Variants in FHIT observed in about 807,000 individuals in gnomAD.
FHIT encodes the protein fragile histidine triad diadenosine triphosphatase.
FHIT carries 19 observed loss-of-function variants against 17.9 expected under a neutral mutation model. The observed-to-expected ratio is 1.06, with a 90% CI of 0.74 to 1.56. The LOEUF (loss-of-function observed/expected upper bound fraction) is 1.56. Ranked by LOEUF, FHIT falls within the 40% of genes most tolerant of loss-of-function variation. FHIT has a pLI of 0.00. For synonymous variants in FHIT, 81 were observed against 69.7 expected (o/e 1.16, Z -0.81); for missense variants, 248 against 189.2 (o/e 1.31, Z -1.82).
At chr3:60,151,790 A>T (rs1209385255) in intron 5 of FHIT, among the ~76,000 whole-genome samples, 1 of 152,176 alleles carries the variant, frequency 6.6e-6, no homozygotes, top group Non-Finnish European at 1.5e-5. Context: ...TTACTGCACC[A>T]ATCTCATATC....
intron 4 of FHIT, among the ~76,000 whole-genome samples, chr3:60,751,391 T>G (rs1290259433): frequency 6.6e-6 from 1 of 152,238 alleles, no homozygotes; most frequent in East Asian, 1.9e-4. Context: ...CCTTTCCAGA[T>G]GCTTCTATGA....
chr3:60,702,977 C>G (rs2041283928), intron 4 of FHIT, among the ~76,000 whole-genome samples: 1 of 152,058 alleles, frequency 6.6e-6, no homozygotes, highest in Admixed American at 6.6e-5. Flanking sequence ...TACAGTCCTC[C>G]ATAATTTATA....
chr3:61,053,010 A>C (rs2034082668), intron 2 of FHIT, among the ~76,000 whole-genome samples: 1 of 152,224 alleles, frequency 6.6e-6, no homozygotes, highest in African/African-American at 2.4e-5. Context: ...AAATATTAAC[A>C]GAAAATGTGA....
At chr3:60,976,562 G>A (rs894080134) in intron 3 of FHIT, among the ~76,000 whole-genome samples, 1 of 152,136 alleles carries the variant, frequency 6.6e-6, no homozygotes, top group Non-Finnish European at 1.5e-5. Context: ...GAGACAAAGA[G>A]GTAGTCCCAT....
intron 4 of FHIT, chr3:60,537,557 G>A: frequency 1.7e-6 from 1 of 599,274 alleles, no homozygotes; most frequent in Non-Finnish European, 2.1e-6. Flanking sequence ...GAAGGAAGGA[G>A]CAAAACGGAG....
chr3:59,901,227 G>A (rs552452914), intron 8 of FHIT, among the ~76,000 whole-genome samples: 8 of 152,190 alleles, frequency 5.3e-5, no homozygotes, highest in Non-Finnish European at 1.0e-4. Flanking sequence ...TATGAGAGTG[G>A]AAAAGGTATT....
intron 5 of FHIT, among the ~76,000 whole-genome samples, chr3:60,497,125 T>A (rs187868070): frequency 6.6e-6 from 1 of 151,976 alleles, no homozygotes; most frequent in Non-Finnish European, 1.5e-5. Context: ...GGAGGGGGCA[T>A]GGTATTGTAT....
At chr3:60,857,105 G>C (rs1282689757) in intron 3 of FHIT, among the ~76,000 whole-genome samples, 1 of 152,096 alleles carries the variant, frequency 6.6e-6, no homozygotes, top group Non-Finnish European at 1.5e-5. Flanking sequence ...TCTTTCTGAT[G>C]TGTAACAAGC....
chr3:60,513,170 A>C (rs1028255174), intron 5 of FHIT, among the ~76,000 whole-genome samples: 5 of 152,216 alleles, frequency 3.3e-5, no homozygotes, highest in African/African-American at 4.8e-5. Context: ...GGCACAAAGG[A>C]AGTGTCTACA....
chr3:59,956,455 G>A (rs13088669), intron 7 of FHIT, among the ~76,000 whole-genome samples: 51,533 of 152,110 alleles, frequency 0.34, 10,448 homozygotes, highest in East Asian at 0.62. Flanking sequence ...AGATCTTGAG[G>A]TCAAGAGATC....
In FHIT at chr3:60,220,370, A is replaced by G. The variant is rs145665402; in HGVS notation, c.104-206218T>C. Among the ~76,000 whole-genome samples, 398 of 152,224 alleles carry G rather than the reference A, an allele frequency of 2.6e-3. 1 individual carries two copies. Among genetic ancestry groups the G allele is most frequent in the African/African-American group, 9.1e-3 (377 of 41,540 alleles). On this transcript the variant is annotated intron_variant, in intron 5 of 9. Transcript: ENST00000492590. ...GTCCCCACCTAAGTTAAATTTAGGC[A>G]AGCCCAAAGGGTTATTATTAAAGTT...
chr3:60,571,014 A>G (rs2594253), intron 4 of FHIT, among the ~76,000 whole-genome samples: 137,244 of 151,962 alleles, frequency 0.9, 62,264 homozygotes, highest in East Asian at 1. Flanking sequence ...AAATGGCACA[A>G]CCACAAGCTG....
chr3:60,939,034 T>C (rs1258772549), intron 3 of FHIT, among the ~76,000 whole-genome samples: 16 of 152,206 alleles, frequency 1.1e-4, no homozygotes, highest in African/African-American at 3.9e-4. Flanking sequence ...AGGTTGTCCA[T>C]ATAAAATTAT....
At chr3:60,356,036 G>C (rs373600957) in intron 5 of FHIT, among the ~76,000 whole-genome samples, 1 of 152,140 alleles carries the variant, frequency 6.6e-6, no homozygotes, top group African/African-American at 2.4e-5. Context: ...CTGGCACTGT[G>C]CCATGAAAGA....
chr3:60,435,922 T>C (rs2030187108), intron 5 of FHIT, among the ~76,000 whole-genome samples: 1 of 152,180 alleles, frequency 6.6e-6, no homozygotes, highest in Non-Finnish European at 1.5e-5. Context: ...TGGTTTTCTG[T>C]TCCTGCATTC....
At position 60,689,244 on chromosome 3, in the gene FHIT, C is replaced by A. The variant is rs570639009; in HGVS notation, c.-18+132675G>T. ...TCCCCAGCCACGTGGAACTGCAAGT[C>A]AAATAAACGTCTTTGTTTGTGAATT... On this transcript the variant is annotated intron_variant, in intron 4 of 9. Transcript: ENST00000492590. 2.0e-5 allele frequency among the ~76,000 whole-genome samples: 3 copies of A among 152,132 alleles called. No individual in the cohort carries two copies. In the East Asian group the frequency reaches 5.8e-4, roughly 29 times the overall value.
At chr3:60,552,615 T>TAC (rs1173697526) in intron 4 of FHIT, among the ~76,000 whole-genome samples, 1 of 152,174 alleles carries the variant, frequency 6.6e-6, no homozygotes, top group Non-Finnish European at 1.5e-5. Flanking sequence ...AAGAAGCCCT[T>TAC]ACTCCAGCCT....
chr3:60,924,794 A>C (rs1418231145), intron 3 of FHIT, among the ~76,000 whole-genome samples: 1 of 152,152 alleles, frequency 6.6e-6, no homozygotes, highest in Non-Finnish European at 1.5e-5. Context: ...CATGGCAAAG[A>C]AGTAAAAAAC....
intron 5 of FHIT, among the ~76,000 whole-genome samples, chr3:60,244,956 C>T (rs571556183): frequency 1.3e-3 from 199 of 152,098 alleles, no homozygotes; most frequent in African/African-American, 4.6e-3. Flanking sequence ...ATAATTAAAA[C>T]ATTCAGGTAG....
Sources: gnomAD v4.1 joint callset for allele counts (sites outside exome capture counted in the v4.1 genomes callset) on GRCh38, gnomAD v4.1.1 for gene constraint, MANE v1.5 for transcripts, NCBI Gene and HGNC (gene_info 2026-07-23, HGNC 2026-07-21) for gene names.